CHUK: variants seen among roughly 807,000 people sequenced by gnomAD.
The protein encoded by CHUK is component of inhibitor of nuclear factor kappa B kinase complex.
In CHUK, 35 loss-of-function variants were observed where a neutral mutation model predicts 104.8. That is an observed-to-expected ratio of 0.33 (90% CI 0.26 to 0.44). CHUK has a LOEUF of 0.44. Ranked by LOEUF, CHUK falls within the 20% of genes least tolerant of loss-of-function variation. The probability of loss-of-function intolerance (pLI) is 1.00; values close to 1 mark genes in which losing one functional copy is unlikely to be tolerated. For synonymous variants in CHUK, 276 were observed against 291.9 expected (o/e 0.95, Z 0.56); for missense variants, 663 against 902.7 (o/e 0.73, Z 3.40).
At chr10:100,187,522 A>ACCCT (rs1845073580), downstream of CHUK, 1 of 152,168 alleles carries the variant, frequency 6.6e-6, no homozygotes, top group Non-Finnish European at 1.5e-5. Context: ...CTTGCTCCAT[A>ACCCT]CCCTGTTTTC....
At chr10:100,186,494 GTTT>G (rs1261693528), downstream of CHUK, 1 of 153,882 alleles carries the variant, frequency 6.5e-6, no homozygotes, top group Non-Finnish European at 1.4e-5. Context: ...TCATTCTCTC[GTTT>G]TTTAAGTGTT....
intron 19 of CHUK, 114 bp downstream of exon 19, chr10:100,193,184 A>G (rs1320852136): frequency 1.2e-5 from 13 of 1,113,432 alleles, no homozygotes; most frequent in Non-Finnish European, 1.6e-5. Context: ...ACAAAGGGAT[A>G]GTCAGGACTC....
At chr10:100,208,916 T>C (rs544277777) in intron 10 of CHUK, among the ~76,000 whole-genome samples, 5 of 152,246 alleles carry the variant, frequency 3.3e-5, no homozygotes, top group Middle Eastern at 3.4e-3. Flanking sequence ...ACAGGACCCG[T>C]TCAGAATTAA....
intron 19 of CHUK, 50 bp from the exon 20 acceptor site, chr10:100,191,018 G>T: frequency 9.2e-7 from 1 of 1,086,542 alleles, no homozygotes; most frequent in Non-Finnish European, 1.4e-6. Flanking sequence ...AAGGGCATAT[G>T]AATTTCCTCT....
chr10:100,193,579 T>TA, intron 18 of CHUK, 148 bp from the exon 19 acceptor site: 1 of 892,026 alleles, frequency 1.1e-6, no homozygotes, highest in South Asian at 1.4e-5. Flanking sequence ...TTCCCACCTT[T>TA]ACACACCATT....
At chr10:100,191,302 G>C (rs1251834808) in intron 19 of CHUK, among the ~76,000 whole-genome samples, 1 of 152,196 alleles carries the variant, frequency 6.6e-6, no homozygotes, top group Admixed American at 6.5e-5. Context: ...TTGTGGCAAA[G>C]ACAGATGAAA....
rs373844054 is a variant in CHUK, at chr10:100,207,291, A to G, written c.1170T>C (p.Ser390=). Residue 390 remains serine (S), a synonymous_variant, in exon 11 of 21, where the codon AGT becomes AGC. Transcript: ENST00000370397. ...DSYMVYLFDK[S]KTVYEGPFAS... is the part of the protein sequence containing the mutation. ...CAAATGGCCCTTCATATACAGTTTT[A>G]CTTTTATCAAACAAATAAACCATAT... 14 of 1,570,388 alleles carry G rather than the reference A, an allele frequency of 8.9e-6. No individual in the cohort carries two copies. The highest frequency in any genetic ancestry group is 1.1e-5 in the Non-Finnish European group (13 of 1,141,266).
intron 10 of CHUK, among the ~76,000 whole-genome samples, chr10:100,208,564 G>A (rs1564835770): frequency 5.3e-5 from 8 of 152,238 alleles, no homozygotes; most frequent in South Asian, 4.1e-4. Context: ...CACTTCAGGA[G>A]GCCGAGGTAG....
rs1056099866 is a variant in CHUK at position 100,188,904 on chromosome 10, G to C, written c.*694C>G. On this transcript the variant is annotated 3_prime_UTR_variant, in exon 21 of 21. Coordinates refer to ENST00000370397, the MANE Select transcript of CHUK (RefSeq NM_001278.5). ...ATAAATTAACAGGCATCTTCTCTTT[G>C]ATATTATTAAATGTACATCTTAAAT... is the stretch of plus-strand genomic sequence containing the variant. 6.6e-6 allele frequency: 1 copy of C among 152,114 alleles called. No individual in the cohort carries two copies. The highest frequency in any genetic ancestry group is 2.4e-5 in the African/African-American group (1 of 41,418). The allele number at this position is 152,114 out of a possible 1,614,324, so 9.4% of individuals were successfully genotyped here. A position where few individuals can be genotyped will look rare whatever the true frequency, so the allele number is the denominator to read the frequency against.
At chr10:100,194,249 C>T (rs960618038) in intron 17 of CHUK, 118 bp from the exon 18 acceptor site, 69 of 1,198,862 alleles carry the variant, frequency 5.8e-5, no homozygotes, top group Non-Finnish European at 7.4e-5. Flanking sequence ...GACTTATCTC[C>T]AAAGTAATGC....
At chr10:100,197,667 G>A (rs147815979) in intron 16 of CHUK, among the ~76,000 whole-genome samples, 151 of 152,112 alleles carry the variant, frequency 9.9e-4, no homozygotes, top group Non-Finnish European at 1.9e-3. Flanking sequence ...CTACACTCCA[G>A]TCATACTGCA....
At chr10:100,228,286 G>A (rs1462401727) in intron 1 of CHUK, among the ~76,000 whole-genome samples, 2 of 152,208 alleles carry the variant, frequency 1.3e-5, no homozygotes, top group African/African-American at 4.8e-5. Flanking sequence ...AAATGGCAAT[G>A]CATGGTTGTG....
intron 16 of CHUK, among the ~76,000 whole-genome samples, chr10:100,198,047 A>G (rs980336159): frequency 3.3e-5 from 5 of 152,234 alleles, no homozygotes; most frequent in Non-Finnish European, 5.9e-5. Flanking sequence ...TGCTTGAAAC[A>G]TGGAATTTTA....
At chr10:100,216,083 G>A (rs1403137125) in intron 9 of CHUK, among the ~76,000 whole-genome samples, 2 of 152,172 alleles carry the variant, frequency 1.3e-5, no homozygotes, top group East Asian at 1.9e-4. Flanking sequence ...AAATAGTGGT[G>A]CTGCAAACTG....
In CHUK at chr10:100,202,393, C is replaced by A. The variant is rs577939463; in HGVS notation, c.1508-244G>T. Among the ~76,000 whole-genome samples, 110 of 152,254 alleles carry A rather than the reference C, an allele frequency of 7.2e-4. 2 individuals carry two copies. In the South Asian group the frequency reaches 0.02, roughly 27 times the overall value. On this transcript the variant is annotated intron_variant, in intron 13 of 20. Coordinates refer to ENST00000370397, the MANE Select transcript of CHUK (RefSeq NM_001278.5). ...AATGGTCTGGGCCCTTAGTCCAGTA[C>A]GACCAGTGTACTTAGAAGAGACACA...
At chr10:100,224,732 C>T (rs1359621328) in intron 2 of CHUK, among the ~76,000 whole-genome samples, 2 of 152,102 alleles carry the variant, frequency 1.3e-5, no homozygotes, top group Non-Finnish European at 2.9e-5. Flanking sequence ...CCACCACGCC[C>T]GGCCCTAGCT....
At chr10:100,212,578 C>T (rs549923269) in intron 9 of CHUK, among the ~76,000 whole-genome samples, 1 of 152,122 alleles carries the variant, frequency 6.6e-6, no homozygotes, top group South Asian at 2.1e-4. Context: ...ATATCTTTTC[C>T]CAATCCATGG....
chr10:100,209,799 TAAG>T lies in CHUK; in HGVS notation c.934-13_934-11del, dbSNP rs747636255. On this transcript the variant is annotated splice_polypyrimidine_tract_variant and intron_variant, in intron 9 of 20. Transcript: ENST00000370397. ...TTAGGATGTGTACTATCTGTATAAA[TAAG>T]AAAAAAAGGTAAAGTTATTGATTAT... 8.2e-7 allele frequency: 1 copy of T among 1,222,770 alleles called. No individual in the cohort carries two copies. The highest frequency in any genetic ancestry group is 1.7e-5 in the Admixed American group (1 of 57,322). The allele number at this position is 1,222,770 out of a possible 1,614,324, so 75.7% of individuals were successfully genotyped here.
At position 100,222,877 on chromosome 10, in the gene CHUK, C is replaced by T; in HGVS notation, c.304G>A (p.Asp102Asn). 1 of 1,534,710 alleles carries T rather than the reference C, an allele frequency of 6.5e-7. No individual in the cohort carries two copies. Among genetic ancestry groups the T allele is most frequent in the Non-Finnish European group, 9.0e-7 (1 of 1,107,818 alleles). Residue 102 changes from aspartate to asparagine, a missense_variant, in exon 3 of 21, where the codon GAT (aspartate) becomes AAT (asparagine). Physicochemically the swap from Asp to Asn is conservative, Grantham distance 23. Transcript: ENST00000370397. ...LLAMEYCSGGDLRKLLNKPEN... is the reference protein window; with the variant it reads ...LLAMEYCSGGNLRKLLNKPEN... Reference sequence around the variant, plus strand: ...AACATCCACACTACCTTTCGGAGATCTCCTCCAGAACAGTATTCCATTGCT... The same window carrying T: ...AACATCCACACTACCTTTCGGAGATTTCCTCCAGAACAGTATTCCATTGCT...
Sources: allele counts gnomAD v4.1 joint callset (sites outside exome capture counted in the v4.1 genomes callset), GRCh38; gene constraint gnomAD v4.1.1; transcripts MANE v1.5; gene names NCBI Gene and HGNC (gene_info 2026-07-23, HGNC 2026-07-21).